The following SLC4A10 variants were observed in gnomAD, a reference collection of about 807,000 sequenced individuals.
SLC4A10 encodes sodium-driven chloride bicarbonate exchanger.
SLC4A10 carries 42 observed loss-of-function variants against 137.7 expected under a neutral mutation model. The ratio of observed to expected loss-of-function variants is 0.30; its 90% CI spans 0.24 to 0.39. The LOEUF is 0.39. Ranked by LOEUF, SLC4A10 falls within the 10% of genes least tolerant of loss-of-function variation. SLC4A10 has a pLI of 1.00. For missense variants in SLC4A10, 925 were observed against 1,355.0 expected, an observed-to-expected ratio of 0.68 and a Z score of 4.98; for synonymous variants, 474 against 464.1, an observed-to-expected ratio of 1.02 and a Z score of -0.27.
chr2:161,957,183 T>C lies in SLC4A10; in HGVS notation c.2736T>C (p.Thr912=). Residue 912 remains threonine (T), a synonymous_variant, in exon 20 of 27, where the codon ACT becomes ACC. Transcript: ENST00000446997. The part of the protein sequence containing the change: ...KFLGIREQRV[T]GLMIFILMGS... ...TCGGCATTCGGGAGCAAAGGGTTACTGGGCTTATGATTTTTATTCTTATGG... is the reference window on the plus strand; with the variant it reads ...TCGGCATTCGGGAGCAAAGGGTTACCGGGCTTATGATTTTTATTCTTATGG... 1.9e-6 allele frequency: 3 copies of C among 1,613,804 alleles called. No individual in the cohort carries two copies. The highest frequency in any genetic ancestry group is 2.2e-5 in the South Asian group (2 of 91,060).
At chr2:161,901,498 C>G (rs1683102181) in intron 12 of SLC4A10, among the ~76,000 whole-genome samples, 1 of 152,120 alleles carries the variant, frequency 6.6e-6, no homozygotes, top group Non-Finnish European at 1.5e-5. Flanking sequence ...ATGAAAGCTT[C>G]AATTTATTTC....
At chr2:161,884,416 A>G (rs969226086) in intron 10 of SLC4A10, among the ~76,000 whole-genome samples, 3 of 152,192 alleles carry the variant, frequency 2.0e-5, no homozygotes, top group Non-Finnish European at 2.9e-5. Context: ...CGACAGAAAG[A>G]TGTCAGTTCC....
intron 23 of SLC4A10, among the ~76,000 whole-genome samples, chr2:161,966,809 C>T (rs568068057): frequency 1.5e-4 from 22 of 151,426 alleles, no homozygotes; most frequent in African/African-American, 4.4e-4. Context: ...CTTTAGTAAA[C>T]GTTTGCTTTC....
At chr2:161,702,814 G>A (rs910560562) in intron 1 of SLC4A10, among the ~76,000 whole-genome samples, 2 of 151,754 alleles carry the variant, frequency 1.3e-5, no homozygotes, top group African/African-American at 4.8e-5. Flanking sequence ...TGTTCTCTAT[G>A]GATCAGCAGT....
chr2:161,831,944 G>A (rs536267274), intron 3 of SLC4A10, among the ~76,000 whole-genome samples: 2 of 152,130 alleles, frequency 1.3e-5, no homozygotes, highest in African/African-American at 4.8e-5. Context: ...AAGGCACTAA[G>A]TGCCTTTGTG....
At chr2:161,636,690 A>T (rs2034445503) in intron 1 of SLC4A10, among the ~76,000 whole-genome samples, 1 of 151,200 alleles carries the variant, frequency 6.6e-6, no homozygotes, top group Non-Finnish European at 1.5e-5. Flanking sequence ...ACCACGCCTG[A>T]CCTTTTTATT....
At chr2:161,882,508 C>A in intron 10 of SLC4A10, 64 bp downstream of exon 10, 1 of 1,000,664 alleles carries the variant, frequency 1.0e-6, no homozygotes, top group Non-Finnish European at 1.5e-6. Context: ...TTTTGGAGGT[C>A]CTCTTTTCAT....
At chr2:161,756,509 T>C (rs538400533) in intron 1 of SLC4A10, among the ~76,000 whole-genome samples, 12 of 152,300 alleles carry the variant, frequency 7.9e-5, no homozygotes, top group Non-Finnish European at 4.4e-5. Flanking sequence ...ATTTTTAGGA[T>C]GAGTCAGGAC....
In SLC4A10 at chr2:161,771,974, A is replaced by T. The variant is rs185432245; in HGVS notation, c.130+920A>T. ...TAAACTTTGTAATGTAACCATTTAC[A>T]GTACAATTAAATTAATTGCTCTTGG... On this transcript the variant is annotated intron_variant, in intron 2 of 26. Transcript: ENST00000446997. Among the ~76,000 whole-genome samples, 5 of 152,012 alleles carry T rather than the reference A, an allele frequency of 3.3e-5. No individual in the cohort carries two copies. In the East Asian group the frequency reaches 7.8e-4, roughly 24 times the overall value.
rs535574689 is a variant in SLC4A10, at chr2:161,655,958, C to T, written c.48+31392C>T. 3.6e-3 allele frequency among the ~76,000 whole-genome samples: 547 copies of T among 151,622 alleles called. 3 individuals carry two copies. Among genetic ancestry groups the T allele is most frequent in the African/African-American group, 0.012 (512 of 41,292 alleles). On this transcript the variant is annotated intron_variant, in intron 1 of 26. Coordinates refer to ENST00000446997, the MANE Select transcript of SLC4A10 (RefSeq NM_001178015.2). The stretch of plus-strand genomic sequence containing the variant: ...CCTCCTGAGTAGATGGGATTACAGG[C>T]GTGTGCTACCATGCCTGACTAATTT...
rs192752816 is a variant in SLC4A10, at chr2:161,785,421, A to T, written c.130+14367A>T. On this transcript the variant is annotated intron_variant, in intron 2 of 26. Coordinates refer to ENST00000446997, the MANE Select transcript of SLC4A10 (RefSeq NM_001178015.2). ...AAAGCCAAAGACACTGCAAGATAAG[A>T]AAATTACATAATAATATCTCTGATG... Among the ~76,000 whole-genome samples the T allele has an allele frequency of 5.5e-3, 841 of 151,964 alleles. 10 individuals carry two copies. The highest frequency in any genetic ancestry group is 0.037 in the Middle Eastern group (11 of 294).
At chr2:161,934,004 TA>T (rs943983457) in intron 15 of SLC4A10, among the ~76,000 whole-genome samples, 15 of 151,750 alleles carry the variant, frequency 9.9e-5, no homozygotes, top group East Asian at 1.9e-4. Flanking sequence ...CTTTCATCTT[TA>T]AAAAAAAATT....
In SLC4A10 at chr2:161,624,542, C is replaced by T; in HGVS notation, c.24C>T (p.Ala8=). 6.4e-7 allele frequency: 1 copy of T among 1,553,700 alleles called. No homozygotes were observed. Among genetic ancestry groups the T allele is most frequent in the Non-Finnish European group, 8.7e-7 (1 of 1,148,302 alleles). The change falls in exon 1 of 27, where the codon GCC becomes GCT. Residue 8 remains alanine (A), a synonymous_variant. Transcript: ENST00000446997. The part of the protein sequence containing the change: MEIKDQG[A]QMEPLLPTRN... ...ACATGGAGATTAAAGACCAGGGAGCCCAAATGGAGCCGCTGCTGCCTACGG... is the reference window on the plus strand; with the variant it reads ...ACATGGAGATTAAAGACCAGGGAGCTCAAATGGAGCCGCTGCTGCCTACGG...
At chr2:161,650,682 C>T (rs1317285661) in intron 1 of SLC4A10, among the ~76,000 whole-genome samples, 16 of 152,190 alleles carry the variant, frequency 1.1e-4, no homozygotes, top group Admixed American at 1.0e-3. Flanking sequence ...TGAGGCTGAG[C>T]CCAGGTGCGG....
chr2:161,733,825 A>G (rs1397454114), intron 1 of SLC4A10, among the ~76,000 whole-genome samples: 2 of 152,308 alleles, frequency 1.3e-5, no homozygotes, highest in South Asian at 2.1e-4. Flanking sequence ...GCCCAAGACT[A>G]TGGGAACCTA....
intron 3 of SLC4A10, among the ~76,000 whole-genome samples, chr2:161,825,249 A>C (rs920124641): frequency 6.6e-6 from 1 of 152,106 alleles, no homozygotes; most frequent in African/African-American, 2.4e-5. Flanking sequence ...TTCAAGAGTC[A>C]ACTGTAGTTG....
intron 13 of SLC4A10, 116 bp from the exon 14 acceptor site, chr2:161,904,660 T>C: frequency 7.5e-7 from 1 of 1,328,746 alleles, no homozygotes. Flanking sequence ...CCAGGGTTGC[T>C]AGACTTTTCA....
At chr2:161,887,056 C>T (rs183941539) in intron 10 of SLC4A10, among the ~76,000 whole-genome samples, 1 of 151,768 alleles carries the variant, frequency 6.6e-6, no homozygotes, top group Non-Finnish European at 1.5e-5. Context: ...GTTTTCTTTT[C>T]CTGTGTTAGT....
chr2:161,747,960 C>T lies in SLC4A10; in HGVS notation c.49-23013C>T, dbSNP rs1049872555. Reference sequence around the variant, plus strand: ...TCTCCACACCCTCACCAACATTTACCTTATGTCTTATGTCTGTGGATTGAT... The same window carrying T: ...TCTCCACACCCTCACCAACATTTACTTTATGTCTTATGTCTGTGGATTGAT... On this transcript the variant is annotated intron_variant, in intron 1 of 26. Transcript: ENST00000446997. Among the ~76,000 whole-genome samples the T allele has an allele frequency of 1.8e-4, 28 of 152,028 alleles. 1 individual carries two copies. Among genetic ancestry groups the T allele is most frequent in the Admixed American group, 1.8e-3 (28 of 15,238 alleles).
Sources: gnomAD v4.1 joint callset for allele counts (sites outside exome capture counted in the v4.1 genomes callset) on GRCh38, gnomAD v4.1.1 for gene constraint, MANE v1.5 for transcripts, NCBI Gene and HGNC (gene_info 2026-07-23, HGNC 2026-07-21) for gene names.